Variants in PRDM8 observed in about 807,000 individuals in gnomAD.
The protein encoded by PRDM8 is PR/SET domain 8, also known as PR domain zinc finger protein 8.
Under a neutral mutation model 46.5 loss-of-function variants are expected in PRDM8, and 13 were observed. The observed-to-expected ratio is 0.28, with a 90% confidence interval of 0.18 to 0.44. The LOEUF is 0.44. PRDM8 is among the 20% of genes least tolerant of loss of function. The pLI is 1.00. For missense variants in PRDM8, 998 were observed against 955.0 expected (o/e 1.04, Z -0.59); for synonymous variants, 473 against 438.4 (o/e 1.08, Z -0.98).
chr4:80,188,920 C>CG (rs1373571943), intron 1 of PRDM8, among the ~76,000 whole-genome samples: 1 of 152,196 alleles, frequency 6.6e-6, no homozygotes, highest in Non-Finnish European at 1.5e-5. Flanking sequence ...AGGGCAGCCA[C>CG]GGGGGGAACT....
At position 80,201,588 on chromosome 4, in the gene PRDM8, G is replaced by T. The variant is rs1338646886; in HGVS notation, c.451+67G>T. 11 of 1,492,606 alleles carry T rather than the reference G, an allele frequency of 7.4e-6. No individual in the cohort carries two copies. The Admixed American group carries it at 1.9e-4, about 26-fold the overall frequency. 92.5% of individuals were successfully genotyped at this position (1,492,606 alleles called of 1,614,324 possible). On this transcript the variant is annotated intron_variant, in intron 3 of 3. Transcript: ENST00000415738. ...GGGGAGAGACGCAGGGAGCGGCAGG[G>T]GCTCACCCGGCGCGTTGGCGCGCCT...
At chr4:80,195,380 C>T (rs1197812150), upstream of PRDM8, among the ~76,000 whole-genome samples, 2 of 152,134 alleles carry the variant, frequency 1.3e-5, no homozygotes, top group Non-Finnish European at 2.9e-5. Context: ...ACTTAAGTTT[C>T]TGGCCACTAT....
chr4:80,199,731 G>T (rs1222115016), intron 1 of PRDM8, among the ~76,000 whole-genome samples: 1 of 142,272 alleles, frequency 7.0e-6, no homozygotes, highest in Non-Finnish European at 1.5e-5. Context: ...GTGTGTGTGT[G>T]TGTGTGTACA....
In PRDM8 at chr4:80,202,869, G is replaced by A. The variant is rs559035384; in HGVS notation, c.1407G>A (p.Ala469=). The change falls in exon 4 of 4, where the codon GCG becomes GCA. Residue 469 remains alanine (A), a synonymous_variant. Coordinates refer to ENST00000415738, the MANE Select transcript of PRDM8 (RefSeq NM_001099403.2). ...AFTSVPQLGS[A]GSTSGGGGTG... Reference sequence around the variant, plus strand: ...CTTCGGTGCCGCAGCTGGGCAGCGCGGGCAGCACCAGCGGTGGGGGCGGAA... The same window carrying A: ...CTTCGGTGCCGCAGCTGGGCAGCGCAGGCAGCACCAGCGGTGGGGGCGGAA... 1.5e-4 allele frequency: 194 copies of A among 1,261,930 alleles called. No individual in the cohort carries two copies. In the African/African-American group the frequency reaches 2.4e-3, roughly 16 times the overall value. The allele number at this position is 1,261,930 out of a possible 1,614,324, so 78.2% of individuals were successfully genotyped here. A position where few individuals can be genotyped will look rare whatever the true frequency, so the allele number is the denominator to read the frequency against.
rs1738716792 is a variant in PRDM8, at chr4:80,203,249, C to T, written c.1787C>T (p.Ala596Val). The T allele has an allele frequency of 6.4e-7, 1 of 1,557,780 alleles. No homozygotes were observed. ...GCCGCTGCAGCCGCGGCTGCGGCGGCGGCCGCGGGGCCCTTGCAGCTGCAG... is the reference window on the plus strand; with the variant it reads ...GCCGCTGCAGCCGCGGCTGCGGCGGTGGCCGCGGGGCCCTTGCAGCTGCAG... The part of the protein sequence containing the change: ...SAAAAAAAAA[A>V]AAGPLQLQLP... The change falls in exon 4 of 4, where the codon GCG (alanine) becomes GTG (valine). Residue 596 changes from alanine (A) to valine (V), a missense_variant. Physicochemically the swap from Ala to Val is moderately conservative, Grantham distance 64. Coordinates refer to ENST00000415738, the MANE Select transcript of PRDM8 (RefSeq NM_001099403.2).
At chr4:80,190,892 C>T (rs1297562118) in intron 1 of PRDM8, among the ~76,000 whole-genome samples, 3 of 152,158 alleles carry the variant, frequency 2.0e-5, no homozygotes, top group Non-Finnish European at 4.4e-5. Flanking sequence ...TTAGGGGAAC[C>T]CCACTTATCT....
chr4:80,203,490 G>A lies in PRDM8; in HGVS notation c.2028G>A (p.Arg676=). 1 of 1,613,142 alleles carries A rather than the reference G, an allele frequency of 6.2e-7. No homozygotes were observed. The highest frequency in any genetic ancestry group is 1.1e-5 in the South Asian group (1 of 90,826). The change falls in exon 4 of 4, where the codon AGG becomes AGA. Residue 676 remains arginine, a synonymous_variant. Coordinates refer to ENST00000415738, the MANE Select transcript of PRDM8 (RefSeq NM_001099403.2). ...LKCPICNESF[R]ERHHLSRHMT... The stretch of plus-strand genomic sequence containing the variant: ...GCCCCATCTGCAATGAGTCCTTCAG[G>A]GAGCGCCACCACCTCTCCAGGCACA...
rs1026983526 is a variant in PRDM8, at chr4:80,203,421, G to A, written c.1959G>A (p.Ala653=). ...GGTCGCACCACAAAAAGGAGTATGC[G>A]ATGGAGCCCTTGGTGAAGCGGCGGC... The part of the protein sequence containing the change: ...HMRSHHKKEY[A]MEPLVKRRRE... The change falls in exon 4 of 4, where the codon GCG becomes GCA. Residue 653 remains alanine (A), a synonymous_variant. Transcript: ENST00000415738. The A allele has an allele frequency of 6.2e-7, 1 of 1,613,694 alleles. No homozygotes were observed. Among genetic ancestry groups the A allele is most frequent in the South Asian group, 1.1e-5 (1 of 90,930 alleles).
In PRDM8 at chr4:80,203,487, C is replaced by T; in HGVS notation, c.2025C>T (p.Phe675=). The T allele has an allele frequency of 4.3e-6, 7 of 1,613,250 alleles. No homozygotes were observed. The highest frequency in any genetic ancestry group is 5.9e-6 in the Non-Finnish European group (7 of 1,179,672). The change falls in exon 4 of 4, where the codon TTC becomes TTT. Residue 675 remains phenylalanine (F), a synonymous_variant. Coordinates refer to ENST00000415738, the MANE Select transcript of PRDM8 (RefSeq NM_001099403.2). Reference sequence around the variant, plus strand: ...AGTGCCCCATCTGCAATGAGTCCTTCAGGGAGCGCCACCACCTCTCCAGGC... The same window carrying T: ...AGTGCCCCATCTGCAATGAGTCCTTTAGGGAGCGCCACCACCTCTCCAGGC... ...KLKCPICNES[F]RERHHLSRHM...
At chr4:80,197,244 T>G, upstream of PRDM8, 10 of 985,088 alleles carry the variant, frequency 1.0e-5, no homozygotes, top group Non-Finnish European at 1.2e-5. Flanking sequence ...CCTGAAACGA[T>G]TTTCCCCTCC....
rs772217527 is a variant in PRDM8, at chr4:80,203,227, G to T, written c.1765G>T (p.Ala589Ser). 15 of 1,554,378 alleles carry T rather than the reference G, an allele frequency of 9.7e-6. No homozygotes were observed. In the South Asian group the frequency reaches 1.5e-4, roughly 16 times the overall value. Residue 589 changes from alanine to serine, a missense_variant, in exon 4 of 4, where the codon GCT (alanine) becomes TCT (serine). Transcript: ENST00000415738. ...CTTCTGGCCCAAGAGCTCCGCTGCC[G>T]CTGCAGCCGCGGCTGCGGCGGCGGC... is the stretch of plus-strand genomic sequence containing the variant. ...TAFWPKSSAA[A>S]AAAAAAAAAG...
At chr4:80,198,994 GTT>G (rs1310531623) in intron 1 of PRDM8, among the ~76,000 whole-genome samples, 40 of 63,508 alleles carry the variant, frequency 6.3e-4, no homozygotes, top group Admixed American at 1.8e-3. Context: ...TTTTTTTTTT[GTT>G]TTTTTTTTTT....
At chr4:80,190,096 C>T (rs1737427331) in intron 1 of PRDM8, 1 of 152,244 alleles carries the variant, frequency 6.6e-6, no homozygotes. Context: ...GGCAGCCCAG[C>T]TAGTAAGAAA....
chr4:80,185,743 G>T (rs1737025982), intron 1 of PRDM8, among the ~76,000 whole-genome samples: 1 of 152,174 alleles, frequency 6.6e-6, no homozygotes, highest in Non-Finnish European at 1.5e-5. Context: ...CCTTTTTCTC[G>T]CACTTGAGAT....
At chr4:80,200,999 T>C (rs929761076) in intron 2 of PRDM8, among the ~76,000 whole-genome samples, 12 of 152,254 alleles carry the variant, frequency 7.9e-5, no homozygotes, top group African/African-American at 2.9e-4. Context: ...GGGTTAACAC[T>C]AAATTATAAG....
At chr4:80,197,091 C>G, upstream of PRDM8, 13 of 985,518 alleles carry the variant, frequency 1.3e-5, no homozygotes, top group Non-Finnish European at 1.6e-5. Context: ...GCACCCCTCT[C>G]CCTTTCACGG....
chr4:80,203,286 G>A lies in PRDM8; in HGVS notation c.1824G>A (p.Ala608=), dbSNP rs772162341. The change falls in exon 4 of 4, where the codon GCG becomes GCA. Residue 608 remains alanine, a synonymous_variant. Transcript: ENST00000415738. ...AGPLQLQLPS[A]LTLLPPSFTS... ...CCTTGCAGCTGCAGCTGCCCTCGGCGCTCACGCTGCTGCCGCCCTCCTTCA... is the reference window on the plus strand; with the variant it reads ...CCTTGCAGCTGCAGCTGCCCTCGGCACTCACGCTGCTGCCGCCCTCCTTCA... 6.9e-6 allele frequency: 11 copies of A among 1,603,324 alleles called. No homozygotes were observed. In the South Asian group the frequency reaches 1.1e-4, roughly 16 times the overall value.
At position 80,203,231 on chromosome 4, in the gene PRDM8, CAGCCGCGGCTGCGGCGGCG is replaced by C; in HGVS notation, c.1770_1788del (p.Ala591ProfsTer40). 2 of 1,556,064 alleles carry C rather than the reference CAGCCGCGGCTGCGGCGGCG, an allele frequency of 1.3e-6. No individual in the cohort carries two copies. On this transcript the variant is annotated frameshift_variant, in exon 4 of 4. Transcript: ENST00000415738. LOFTEE classifies it high-confidence loss of function. ...TGGCCCAAGAGCTCCGCTGCCGCTG[CAGCCGCGGCTGCGGCGGCG>C]GCCGCGGGGCCCTTGCAGCTGCAGC...
chr4:80,187,520 G>A lies in PRDM8; in HGVS notation c.-983+2002G>A, dbSNP rs1737206904. 2.0e-5 allele frequency among the ~76,000 whole-genome samples: 3 copies of A among 152,118 alleles called. No homozygotes were observed. The South Asian group carries it at 6.2e-4, about 32-fold the overall frequency. ...TAATTAGGGGATGTCTGTGAATTTAGGGTTTGGGGCTCCAAATTGAATTTC... is the reference window on the plus strand; with the variant it reads ...TAATTAGGGGATGTCTGTGAATTTAAGGTTTGGGGCTCCAAATTGAATTTC... On this transcript the variant is annotated intron_variant, in intron 1 of 9. Transcript: ENST00000339711.
Sources: gnomAD v4.1 joint callset for allele counts (sites outside exome capture counted in the v4.1 genomes callset) on GRCh38, gnomAD v4.1.1 for gene constraint, MANE v1.5 for transcripts, NCBI Gene and HGNC (gene_info 2026-07-23, HGNC 2026-07-21) for gene names.